Variants in TSPAN31 observed in about 807,000 individuals in gnomAD.
TSPAN31 encodes tetraspanin-31.
Under a neutral mutation model 24.8 loss-of-function variants are expected in TSPAN31, and 16 were observed. The ratio of observed to expected loss-of-function variants is 0.64; its 90% CI spans 0.44 to 0.98. The LOEUF is 0.98. Among genes scored for constraint, TSPAN31 ranks in the 50% least tolerant of loss-of-function variants. The pLI, the probability that TSPAN31 is intolerant of heterozygous loss-of-function variation, is 0.00. For missense variants in TSPAN31, 209 were observed against 251.6 expected (o/e 0.83, Z 1.15); for synonymous variants, 87 against 91.4 (o/e 0.95, Z 0.27).
rs1241728307 is a variant in TSPAN31 at position 57,748,328 on chromosome 12, G to C, written c.*1038G>C. ...GACAAGAGGGAACATACCCCTTAGT[G>C]TAGAGAAATGGGAAGGAGAAGGAGA... is the stretch of plus-strand genomic sequence containing the variant. On this transcript the variant is annotated 3_prime_UTR_variant, in exon 6 of 6. Transcript: ENST00000257910. 2 of 640,356 alleles carry C rather than the reference G, an allele frequency of 3.1e-6. No homozygotes were observed. The highest frequency in any genetic ancestry group is 5.7e-6 in the Non-Finnish European group (2 of 349,414). The allele number at this position is 640,356 out of a possible 1,614,324, so 39.7% of individuals were successfully genotyped here. A position where few individuals can be genotyped will look rare whatever the true frequency, so the allele number is the denominator to read the frequency against.
chr12:57,745,596 C>A, intron 1 of TSPAN31, 149 bp from the exon 2 acceptor site: 1 of 988,052 alleles, frequency 1.0e-6, no homozygotes, highest in Non-Finnish European at 1.5e-6. Context: ...CCTAGGGATG[C>A]TCCCGGTGCG....
Position 57,749,795 on chromosome 12 carries a change from G to C in TSPAN31, c.*2505G>C, listed in dbSNP as rs1327985823. Reference sequence around the variant, plus strand: ...GGGTGGATCATGAGGTCAAGAGATCGAGACCATCCTGGCCAACATGGTGAA... The same window carrying C: ...GGGTGGATCATGAGGTCAAGAGATCCAGACCATCCTGGCCAACATGGTGAA... On this transcript the variant is annotated 3_prime_UTR_variant, in exon 6 of 6. Transcript: ENST00000257910. 4.2e-6 allele frequency: 2 copies of C among 472,778 alleles called. No individual in the cohort carries two copies. Among genetic ancestry groups the C allele is most frequent in the African/African-American group, 3.9e-5 (2 of 51,036 alleles). The allele number at this position is 472,778 out of a possible 1,614,324, so 29.3% of individuals were successfully genotyped here.
Position 57,746,731 on chromosome 12 carries a change from T to G in TSPAN31, c.444+11T>G, listed in dbSNP as rs1955158737. On this transcript the variant is annotated intron_variant, in intron 4 of 5. Coordinates refer to ENST00000257910, the MANE Select transcript of TSPAN31 (RefSeq NM_005981.5). ...GATTTCTGCACTGCAGTGAGTGTGT[T>G]GGGGGTGGTGCAGCAGCCAGGGGAG... 6.2e-7 allele frequency: 1 copy of G among 1,613,896 alleles called. No individual in the cohort carries two copies. Among genetic ancestry groups the G allele is most frequent in the East Asian group, 2.2e-5 (1 of 44,898 alleles).
rs1358101794 is a variant in TSPAN31 at position 57,750,184 on chromosome 12, TAAATAAATAAATAAA to T, written c.*2902_*2916del. The T allele has an allele frequency of 2.0e-5, 3 of 149,522 alleles. No individual in the cohort carries two copies. Among genetic ancestry groups the T allele is most frequent in the African/African-American group, 7.4e-5 (3 of 40,496 alleles). The allele number at this position is 149,522 out of a possible 1,614,324, so 9.3% of individuals were successfully genotyped here. ...ATAAATAAATAAATAAATAAATAAA[TAAATAAATAAATAAA>T]AAATAAAGAGAATAAAGGGATATGA... On this transcript the variant is annotated 3_prime_UTR_variant, in exon 6 of 6. Coordinates refer to ENST00000257910, the MANE Select transcript of TSPAN31 (RefSeq NM_005981.5).
chr12:57,748,470 G>T lies in TSPAN31; in HGVS notation c.*1180G>T. ...GATAAAGGCAAAGATTGCCCTCTCA[G>T]TGTCCAGAAGGGAAATGGCAGCTTT... On this transcript the variant is annotated 3_prime_UTR_variant, in exon 6 of 6. Coordinates refer to ENST00000257910, the MANE Select transcript of TSPAN31 (RefSeq NM_005981.5). 1 of 1,276,968 alleles carries T rather than the reference G, an allele frequency of 7.8e-7. No individual in the cohort carries two copies. Among genetic ancestry groups the T allele is most frequent in the Non-Finnish European group, 1.1e-6 (1 of 874,128 alleles). The allele number at this position is 1,276,968 out of a possible 1,614,324, so 79.1% of individuals were successfully genotyped here. A position where few individuals can be genotyped will look rare whatever the true frequency, so the allele number is the denominator to read the frequency against.
rs1955131779 is a variant in TSPAN31, at chr12:57,745,175, C to G, written c.21C>G (p.Ala7=). 1 of 1,605,226 alleles carries G rather than the reference C, an allele frequency of 6.2e-7. No homozygotes were observed. Among genetic ancestry groups the G allele is most frequent in the African/African-American group, 1.3e-5 (1 of 74,922 alleles). The change falls in exon 1 of 6, where the codon GCC becomes GCG. Residue 7 remains alanine (A), a synonymous_variant. Transcript: ENST00000257910. MVCGGF[A]CSKNALCALN... ...GGGAGATGGTTTGTGGCGGCTTTGC[C>G]TGCTCCAAGAATGCGCTTTGCGCTC...
chr12:57,745,058 G>C lies in TSPAN31; in HGVS notation c.-97G>C. ...CAGAGTATTGGGTTTGGCTGGCCTC[G>C]ATTTAAAGAGACAGAAGCTGTCGGG... On this transcript the variant is annotated 5_prime_UTR_variant, in exon 1 of 6. Transcript: ENST00000257910. 8.2e-7 allele frequency: 1 copy of C among 1,225,690 alleles called. No individual in the cohort carries two copies. The highest frequency in any genetic ancestry group is 1.3e-5 in the South Asian group (1 of 76,856). 75.9% of individuals were successfully genotyped at this position (1,225,690 alleles called of 1,614,324 possible).
At position 57,746,702 on chromosome 12, in the gene TSPAN31, TTA is replaced by T. The variant is rs774919541; in HGVS notation, c.428_429del (p.Tyr143Ter). Reference protein sequence around the residue: ...FNLTTLYQQDYDFCTAICKSQ... With the variant: ...FNLTTLYQQDXDFCTAICKSQ... ...ACCTCACAACCCTGTATCAACAAGA[TTA>T]TGATTTCTGCACTGCAGTGAGTGTG... On this transcript the variant is annotated frameshift_variant, in exon 4 of 6. Transcript: ENST00000257910. LOFTEE classifies it high-confidence loss of function. 56 of 1,613,998 alleles carry T rather than the reference TTA, an allele frequency of 3.5e-5. No individual in the cohort carries two copies. The highest frequency in any genetic ancestry group is 4.4e-5 in the Non-Finnish European group (52 of 1,180,014).
Position 57,749,443 on chromosome 12 carries a change from T to C in TSPAN31, c.*2153T>C, listed in dbSNP as rs1955205252. The C allele has an allele frequency of 1.2e-6, 2 of 1,614,040 alleles. No individual in the cohort carries two copies. The highest frequency in any genetic ancestry group is 1.1e-5 in the South Asian group (1 of 91,082). On this transcript the variant is annotated 3_prime_UTR_variant, in exon 6 of 6. Transcript: ENST00000257910. ...AATAGAAAATCTTTTTCTCCCATGT[T>C]GGTCACTTACTCAAAGATTTTGCCC...
chr12:57,747,094 T>C lies in TSPAN31; in HGVS notation c.521T>C (p.Ile174Thr). 6.2e-7 allele frequency: 1 copy of C among 1,614,148 alleles called. No individual in the cohort carries two copies. Among genetic ancestry groups the C allele is most frequent in the Middle Eastern group, 1.6e-4 (1 of 6,062 alleles). The part of the protein sequence containing the change: ...FLKHSDEALK[I>T]LGGVGLFFSF... The stretch of plus-strand genomic sequence containing the variant: ...AAGCATTCAGACGAAGCCCTGAAAA[T>C]CCTAGGGGGTGTTGGACTCTTCTTT... Residue 174 changes from isoleucine (I) to threonine (T), a missense_variant, in exon 5 of 6, where the codon ATC (isoleucine) becomes ACC (threonine). Transcript: ENST00000257910.
rs1955148415 is a variant in TSPAN31, at chr12:57,746,239, A to C, written c.295A>C (p.Ile99Leu). 6.2e-7 allele frequency: 1 copy of C among 1,613,994 alleles called. No homozygotes were observed. Among genetic ancestry groups the C allele is most frequent in the African/African-American group, 1.3e-5 (1 of 74,938 alleles). ...TGTAATCTCTTGCTCATGTCTGGCT[A>C]TTAACCGAAGCAAACAGGTAAGACA... ...QFVISCSCLAINRSKQTDVIN... is the reference protein window; with the variant it reads ...QFVISCSCLALNRSKQTDVIN... The change falls in exon 3 of 6, where the codon ATT (isoleucine) becomes CTT (leucine). Residue 99 changes from isoleucine to leucine, a missense_variant. Ile to Leu is a conservative substitution (Grantham distance 5). Coordinates refer to ENST00000257910, the MANE Select transcript of TSPAN31 (RefSeq NM_005981.5).
rs1955195213 is a variant in TSPAN31 at position 57,748,950 on chromosome 12, C to T, written c.*1660C>T. 1 of 600,622 alleles carries T rather than the reference C, an allele frequency of 1.7e-6. No individual in the cohort carries two copies. 37.2% of individuals were successfully genotyped at this position (600,622 alleles called of 1,614,324 possible). On this transcript the variant is annotated 3_prime_UTR_variant, in exon 6 of 6. Coordinates refer to ENST00000257910, the MANE Select transcript of TSPAN31 (RefSeq NM_005981.5). ...CGAACTCCTGACCTCAGGTGATACG[C>T]CCACCTTGGCCTCCCAAAGTGCTGG...
In TSPAN31 at chr12:57,745,810, C is replaced by T. The variant is rs777493315; in HGVS notation, c.129C>T (p.Ile43=). 14 of 1,613,930 alleles carry T rather than the reference C, an allele frequency of 8.7e-6. No homozygotes were observed. The highest frequency in any genetic ancestry group is 1.3e-5 in the African/African-American group (1 of 74,914). ...WGKGLGLVSS[I]HIIGGVIAVG... ...AGGGCCTGGGTCTGGTGTCCAGCAT[C>T]CACATCATCGGCGGAGTCATTGCTG... The change falls in exon 2 of 6, where the codon ATC becomes ATT. Residue 43 remains isoleucine, a synonymous_variant. Transcript: ENST00000257910.
Position 57,745,095 on chromosome 12 carries a change from C to T in TSPAN31, c.-60C>T. 3 of 1,476,740 alleles carry T rather than the reference C, an allele frequency of 2.0e-6. No individual in the cohort carries two copies. Among genetic ancestry groups the T allele is most frequent in the Non-Finnish European group, 2.8e-6 (3 of 1,077,014 alleles). The allele number at this position is 1,476,740 out of a possible 1,614,324, so 91.5% of individuals were successfully genotyped here. On this transcript the variant is annotated 5_prime_UTR_variant, in exon 1 of 6. It adds an upstream start codon to the 5' untranslated region. Transcript: ENST00000257910. ...CAGAAGCTGTCGGGGTCCTGGAAGA[C>T]GGTCCCCAATACCCTCCCCCCAAGT... is the stretch of plus-strand genomic sequence containing the variant.
Position 57,745,140 on chromosome 12 carries a change from C to T in TSPAN31, c.-15C>T. 6.3e-7 allele frequency: 1 copy of T among 1,596,002 alleles called. No homozygotes were observed. Among genetic ancestry groups the T allele is most frequent in the South Asian group, 1.1e-5 (1 of 88,130 alleles). On this transcript the variant is annotated 5_prime_UTR_variant, in exon 1 of 6. Coordinates refer to ENST00000257910, the MANE Select transcript of TSPAN31 (RefSeq NM_005981.5). ...CCAAGTCCTTGGGACCACTTGGGTCCCCAGAGCTGGGGAGATGGTTTGTGG... is the reference window on the plus strand; with the variant it reads ...CCAAGTCCTTGGGACCACTTGGGTCTCCAGAGCTGGGGAGATGGTTTGTGG...
chr12:57,746,509 G>A, intron 3 of TSPAN31, 80 bp from the exon 4 acceptor site: 1 of 1,560,842 alleles, frequency 6.4e-7, no homozygotes, highest in South Asian at 1.1e-5. Context: ...GACTTCCTTT[G>A]CTGGGCTAGG....
In TSPAN31 at chr12:57,749,276, A is replaced by G. The variant is rs747362286; in HGVS notation, c.*1986A>G. 1.2e-6 allele frequency: 2 copies of G among 1,614,184 alleles called. No individual in the cohort carries two copies. Among genetic ancestry groups the G allele is most frequent in the East Asian group, 4.5e-5 (2 of 44,880 alleles). On this transcript the variant is annotated 3_prime_UTR_variant, in exon 6 of 6. Transcript: ENST00000257910. ...GGGAAAGGCTCCACGGGGCAGGGAT[A>G]CATCTCGAGGCCAGTCATCCTCTGG...
chr12:57,745,930 G>A lies in TSPAN31; in HGVS notation c.231+18G>A, dbSNP rs1955142721. On this transcript the variant is annotated intron_variant, in intron 2 of 5. Coordinates refer to ENST00000257910, the MANE Select transcript of TSPAN31 (RefSeq NM_005981.5). ...TGTTCTTTGTATCCTGACCTGAAGT[G>A]ATGGGGGCAACCGGGGGCTTGGGAG... The A allele has an allele frequency of 6.3e-7, 1 of 1,582,358 alleles. No individual in the cohort carries two copies. The highest frequency in any genetic ancestry group is 8.6e-7 in the Non-Finnish European group (1 of 1,165,310).
At position 57,747,606 on chromosome 12, in the gene TSPAN31, C is replaced by A; in HGVS notation, c.*316C>A. 2 of 256,020 alleles carry A rather than the reference C, an allele frequency of 7.8e-6. No homozygotes were observed. The highest frequency in any genetic ancestry group is 7.5e-6 in the Non-Finnish European group (1 of 133,584). 15.9% of individuals were successfully genotyped at this position (256,020 alleles called of 1,614,324 possible). On this transcript the variant is annotated 3_prime_UTR_variant, in exon 6 of 6. Coordinates refer to ENST00000257910, the MANE Select transcript of TSPAN31 (RefSeq NM_005981.5). ...CTGTCCATATACTGGATCACCTCAACATACCCTGGTGTGGCTCTAAGGGTA... is the reference window on the plus strand; with the variant it reads ...CTGTCCATATACTGGATCACCTCAAAATACCCTGGTGTGGCTCTAAGGGTA...
Sources: gnomAD v4.1 joint callset for allele counts on GRCh38, gnomAD v4.1.1 for gene constraint, MANE v1.5 for transcripts, NCBI Gene and HGNC (gene_info 2026-07-23, HGNC 2026-07-21) for gene names.